CDK13: variants seen among roughly 807,000 people sequenced by gnomAD.
The protein encoded by CDK13 is cyclin-dependent kinase 13.
A neutral mutation model predicts 137.6 loss-of-function variants in CDK13; 40 were observed. That is an observed-to-expected ratio of 0.29 (90% CI 0.23 to 0.38). The LOEUF (loss-of-function observed/expected upper bound fraction) is 0.38. CDK13 is among the 10% of genes least tolerant of loss of function. The pLI, the probability that CDK13 is intolerant of heterozygous loss-of-function variation, is 1.00. For missense variants in CDK13, 1,704 were observed against 1,951.8 expected (o/e 0.87, Z 2.39); for synonymous variants, 869 against 760.1 (o/e 1.14, Z -2.36).
intron 9 of CDK13, among the ~76,000 whole-genome samples, chr7:40,077,182 A>G (rs1340026517): frequency 1.3e-5 from 2 of 152,204 alleles, no homozygotes; most frequent in African/African-American, 4.8e-5. Context: ...AAGAACTTTA[A>G]TGTTTCAAGA....
At chr7:39,960,437 T>C (rs1244753233) in intron 1 of CDK13, among the ~76,000 whole-genome samples, 1 of 151,992 alleles carries the variant, frequency 6.6e-6, no homozygotes, top group Non-Finnish European at 1.5e-5. Context: ...TTTTGTGTTT[T>C]CAGTAGAGAC....
At chr7:40,094,090 A>G (rs1289073604) in intron 13 of CDK13, 40 bp from the exon 14 acceptor site, 2 of 1,595,106 alleles carry the variant, frequency 1.3e-6, no homozygotes, top group South Asian at 1.1e-5. Flanking sequence ...TTAGTTTTCC[A>G]TGGTAACTTT....
chr7:39,995,925 G>A (rs1359156907), intron 2 of CDK13, among the ~76,000 whole-genome samples: 4 of 152,136 alleles, frequency 2.6e-5, no homozygotes, highest in African/African-American at 4.8e-5. Context: ...CAGGAGAATC[G>A]CTTGAACTCG....
At chr7:40,076,370 T>C (rs1786544586) in intron 9 of CDK13, among the ~76,000 whole-genome samples, 1 of 152,172 alleles carries the variant, frequency 6.6e-6, no homozygotes, top group Admixed American at 6.5e-5. Context: ...TTACTTTTGA[T>C]CTGAATCTTG....
At chr7:39,999,297 G>T in intron 3 of CDK13, 64 bp from the exon 4 acceptor site, 3 of 1,373,878 alleles carry the variant, frequency 2.2e-6, no homozygotes, top group Non-Finnish European at 2.0e-6. Flanking sequence ...TAGATATTGA[G>T]TTATTAGACA....
At chr7:40,049,622 C>G (rs554574970) in intron 7 of CDK13, among the ~76,000 whole-genome samples, 2 of 152,228 alleles carry the variant, frequency 1.3e-5, no homozygotes, top group South Asian at 4.1e-4. Flanking sequence ...CTACTCTCAA[C>G]AATTTTCAAG....
At chr7:40,053,077 T>A (rs1256896960) in intron 7 of CDK13, among the ~76,000 whole-genome samples, 1 of 152,168 alleles carries the variant, frequency 6.6e-6, no homozygotes, top group African/African-American at 2.4e-5. Context: ...ATTAAATTGT[T>A]CTCCCTTCAA....
chr7:40,093,247 CA>C lies in CDK13; in HGVS notation c.3688+11del. ...AGCACTCCGGTGTCGGGTAAGTGTG[CA>C]GATACCAGACCACTAACACAGCTGC... On this transcript the variant is annotated intron_variant, in intron 13 of 13. Transcript: ENST00000181839. The C allele has an allele frequency of 1.9e-6, 3 of 1,595,140 alleles. No homozygotes were observed. The highest frequency in any genetic ancestry group is 1.7e-6 in the Non-Finnish European group (2 of 1,168,038).
At chr7:39,996,739 G>T (rs1784567444) in intron 2 of CDK13, among the ~76,000 whole-genome samples, 1 of 151,948 alleles carries the variant, frequency 6.6e-6, no homozygotes, top group Non-Finnish European at 1.5e-5. Flanking sequence ...AAGGCGGGTG[G>T]ATCACTTGAG....
intron 5 of CDK13, among the ~76,000 whole-genome samples, chr7:40,032,613 C>T (rs1321260212): frequency 1.3e-5 from 2 of 151,896 alleles, no homozygotes; most frequent in Non-Finnish European, 2.9e-5. Flanking sequence ...GTTGGTGTCC[C>T]CTTGTTTAAG....
Position 40,055,110 on chromosome 7 carries a change from T to TA in CDK13, c.2600+7233_2600+7234insA, listed in dbSNP as rs1328940855. Among the ~76,000 whole-genome samples, 10 of 151,954 alleles carry TA rather than the reference T, an allele frequency of 6.6e-5. 1 individual carries two copies. The East Asian group carries it at 1.9e-3, about 29-fold the overall frequency. ...TAGTTTCTTGCCATCCAATAACAAC[T>TA]TATTGAAGTTACTAAATTTTGTTTT... is the stretch of plus-strand genomic sequence containing the variant. On this transcript the variant is annotated intron_variant, in intron 7 of 13. Transcript: ENST00000181839.
At chr7:40,034,682 A>G (rs1291858437) in intron 5 of CDK13, among the ~76,000 whole-genome samples, 2 of 152,194 alleles carry the variant, frequency 1.3e-5, no homozygotes, top group Admixed American at 6.5e-5. Flanking sequence ...AAAGTGGGAT[A>G]GCTAAGTCAA....
intron 1 of CDK13, among the ~76,000 whole-genome samples, chr7:39,987,383 C>G (rs921655044): frequency 6.6e-6 from 1 of 152,056 alleles, no homozygotes; most frequent in African/African-American, 2.4e-5. Context: ...ATTTGTAGAC[C>G]AGAGCGAGAT....
chr7:39,956,546 A>T lies in CDK13; in HGVS notation c.1211+4694A>T, dbSNP rs549480485. Among the ~76,000 whole-genome samples the T allele has an allele frequency of 2.0e-5, 3 of 152,198 alleles. No homozygotes were observed. In the East Asian group the frequency reaches 5.8e-4, roughly 29 times the overall value. On this transcript the variant is annotated intron_variant, in intron 1 of 13. Transcript: ENST00000181839. The stretch of plus-strand genomic sequence containing the variant: ...TTTTCTTAATATCTTTGTTTAGCTC[A>T]TGTCACTCCCATTATATTAGAATTA...
chr7:39,995,085 G>T (rs991706423), intron 2 of CDK13, among the ~76,000 whole-genome samples: 1 of 151,762 alleles, frequency 6.6e-6, no homozygotes, highest in African/African-American at 2.4e-5. Context: ...TCTGTTGCTG[G>T]TGTGTATTTC....
intron 9 of CDK13, among the ~76,000 whole-genome samples, chr7:40,066,451 G>T (rs1039163374): frequency 1.3e-5 from 2 of 152,182 alleles, no homozygotes; most frequent in Non-Finnish European, 2.9e-5. Flanking sequence ...TCACTTTCTA[G>T]TAAGACTATG....
intron 5 of CDK13, among the ~76,000 whole-genome samples, chr7:40,038,846 C>T (rs1785541832): frequency 1.3e-5 from 2 of 152,158 alleles, no homozygotes; most frequent in Admixed American, 6.5e-5. Flanking sequence ...CAGTCATGCA[C>T]CACCATGCCT....
At chr7:39,997,835 T>C in intron 3 of CDK13, 171 bp downstream of exon 3, 2 of 550,228 alleles carry the variant, frequency 3.6e-6, no homozygotes, top group Non-Finnish European at 6.3e-6. Flanking sequence ...CTTGCATTCC[T>C]ATTCACAATG....
At chr7:39,968,618 A>T (rs1036100879) in intron 1 of CDK13, among the ~76,000 whole-genome samples, 1 of 152,150 alleles carries the variant, frequency 6.6e-6, no homozygotes, top group African/African-American at 2.4e-5. Context: ...TTGACTATAA[A>T]TGGGTTTATT....
Sources: gnomAD v4.1 joint callset for allele counts (sites outside exome capture counted in the v4.1 genomes callset) on GRCh38, gnomAD v4.1.1 for gene constraint, MANE v1.5 for transcripts, NCBI Gene and HGNC (gene_info 2026-07-23, HGNC 2026-07-21) for gene names.